MAGI2: variants seen among roughly 807,000 people sequenced by gnomAD.
MAGI2 encodes membrane-associated guanylate kinase, WW and PDZ domain-containing protein 2.
Under a neutral mutation model 133.3 loss-of-function variants are expected in MAGI2, and 35 were observed. The ratio of observed to expected loss-of-function variants is 0.26; its 90% CI spans 0.20 to 0.35. The LOEUF (loss-of-function observed/expected upper bound fraction) is 0.35. Ranked by LOEUF, MAGI2 falls within the 10% of genes least tolerant of loss-of-function variation. The pLI is 1.00. For synonymous variants in MAGI2, 729 were observed against 710.6 expected, an observed-to-expected ratio of 1.03 and a Z score of -0.41; for missense variants, 1,636 against 1,863.4, an observed-to-expected ratio of 0.88 and a Z score of 2.25.
chr7:79,387,262 A>G (rs1053480015), intron 1 of MAGI2, among the ~76,000 whole-genome samples: 1 of 151,978 alleles, frequency 6.6e-6, no homozygotes, highest in Non-Finnish European at 1.5e-5. Context: ...CCATTTGCTT[A>G]CTTTGGAATT....
intron 7 of MAGI2, among the ~76,000 whole-genome samples, chr7:78,362,841 A>G (rs944857663): frequency 6.6e-6 from 1 of 152,190 alleles, no homozygotes; most frequent in Non-Finnish European, 1.5e-5. Context: ...ATAAAAATAT[A>G]GCTACTCTAC....
intron 2 of MAGI2, among the ~76,000 whole-genome samples, chr7:78,676,575 A>T (rs1480851004): frequency 6.6e-6 from 1 of 152,164 alleles, no homozygotes; most frequent in Non-Finnish European, 1.5e-5. Flanking sequence ...AGAAGTGAGA[A>T]TTGAAGGGAA....
At chr7:78,394,097 T>A (rs1796131401) in intron 6 of MAGI2, among the ~76,000 whole-genome samples, 1 of 152,084 alleles carries the variant, frequency 6.6e-6, no homozygotes, top group African/African-American at 2.4e-5. Flanking sequence ...AACCAGGAGT[T>A]CTGATGTCTG....
At chr7:78,821,334 T>A (rs1790091024) in intron 2 of MAGI2, among the ~76,000 whole-genome samples, 1 of 152,020 alleles carries the variant, frequency 6.6e-6, no homozygotes, top group South Asian at 2.1e-4. Flanking sequence ...TTTCAGGGGT[T>A]GTCTATTTCT....
intron 2 of MAGI2, among the ~76,000 whole-genome samples, chr7:78,690,051 A>C (rs1816794713): frequency 6.6e-6 from 1 of 152,212 alleles, no homozygotes; most frequent in Non-Finnish European, 1.5e-5. Flanking sequence ...TTATTAAATA[A>C]GAACTTTTCC....
chr7:79,032,519 G>GAAAAAAAAA (rs34049134), intron 1 of MAGI2, among the ~76,000 whole-genome samples: 1 of 118,214 alleles, frequency 8.5e-6, no homozygotes. Flanking sequence ...CTCTGACTCA[G>GAAAAAAAAA]AAAAAAAAAA....
At chr7:78,297,902 G>A (rs1458167996) in intron 9 of MAGI2, among the ~76,000 whole-genome samples, 6 of 149,456 alleles carry the variant, frequency 4.0e-5, no homozygotes, top group African/African-American at 1.5e-4. Context: ...GAGTTAGTGG[G>A]TGCAGCGCAC....
At chr7:78,541,884 G>A (rs1798439348) in intron 3 of MAGI2, among the ~76,000 whole-genome samples, 2 of 152,192 alleles carry the variant, frequency 1.3e-5, no homozygotes, top group African/African-American at 4.8e-5. Flanking sequence ...TGAGGACAAT[G>A]TAGTTGTTTT....
At chr7:78,276,388 G>A (rs1320343816) in intron 9 of MAGI2, among the ~76,000 whole-genome samples, 1 of 152,014 alleles carries the variant, frequency 6.6e-6, no homozygotes, top group East Asian at 1.9e-4. Context: ...TACTACACAT[G>A]CAATTATCAT....
At chr7:79,330,263 G>A (rs781131443) in intron 1 of MAGI2, among the ~76,000 whole-genome samples, 3 of 132,104 alleles carry the variant, frequency 2.3e-5, no homozygotes, top group Non-Finnish European at 3.1e-5. Context: ...GTGCGATCTC[G>A]GCTCACTGCA....
chr7:78,557,471 C>T (rs917333175), intron 3 of MAGI2, among the ~76,000 whole-genome samples: 2 of 152,162 alleles, frequency 1.3e-5, no homozygotes, highest in Non-Finnish European at 2.9e-5. Context: ...CTATTCCCTT[C>T]CCCATCTTAC....
chr7:78,794,904 A>G (rs1465997686), intron 2 of MAGI2, among the ~76,000 whole-genome samples: 1 of 152,108 alleles, frequency 6.6e-6, no homozygotes, highest in Non-Finnish European at 1.5e-5. Flanking sequence ...TGAAAAAAAA[A>G]TTGATTTTAC....
At chr7:78,490,610 C>T (rs551803505) in intron 5 of MAGI2, among the ~76,000 whole-genome samples, 3 of 152,146 alleles carry the variant, frequency 2.0e-5, no homozygotes, top group Admixed American at 1.3e-4. Context: ...ACCTGGTGGA[C>T]AACACATATT....
Position 78,614,397 on chromosome 7 carries a change from T to C in MAGI2, c.538+12723A>G, listed in dbSNP as rs553388300. The C allele has an allele frequency of 1.6e-4, 25 of 152,232 alleles. 1 individual carries two copies. The South Asian group carries it at 5.0e-3, about 30-fold the overall frequency. The allele number at this position is 152,232 out of a possible 1,614,324, so 9.4% of individuals were successfully genotyped here. A position where few individuals can be genotyped will look rare whatever the true frequency, so the allele number is the denominator to read the frequency against. The stretch of plus-strand genomic sequence containing the variant: ...ATTCACATTTTATTAATACATCAAT[T>C]TTAACAATTTGGTAATGCACCAATA... On this transcript the variant is annotated intron_variant, in intron 3 of 21. Transcript: ENST00000354212.
chr7:78,771,116 TTC>T (rs150535680), intron 2 of MAGI2: 169 of 148,126 alleles, frequency 1.1e-3, no homozygotes, highest in Middle Eastern at 3.4e-3. Flanking sequence ...CATGCAGCAC[TTC>T]TCTCTCTCTC....
intron 6 of MAGI2, among the ~76,000 whole-genome samples, chr7:78,442,691 C>T (rs535373201): frequency 2.0e-5 from 3 of 152,244 alleles, no homozygotes; most frequent in African/African-American, 7.2e-5. Flanking sequence ...CAAGCTCAGA[C>T]AACATATTAT....
chr7:79,303,315 TA>T (rs1837525191), intron 1 of MAGI2, among the ~76,000 whole-genome samples: 1 of 151,920 alleles, frequency 6.6e-6, no homozygotes, highest in Admixed American at 6.6e-5. Context: ...AAAAAAACTT[TA>T]AAAAATACCC....
At chr7:78,900,896 C>T (rs1446241295) in intron 2 of MAGI2, among the ~76,000 whole-genome samples, 1 of 152,072 alleles carries the variant, frequency 6.6e-6, no homozygotes, top group Non-Finnish European at 1.5e-5. Flanking sequence ...AGATGAGTTG[C>T]CTACAAGTCC....
chr7:79,300,175 C>T (rs902243539), intron 1 of MAGI2, among the ~76,000 whole-genome samples: 2 of 151,998 alleles, frequency 1.3e-5, no homozygotes, highest in Non-Finnish European at 2.9e-5. Context: ...TTTGGAACTG[C>T]GTAATGGGCA....
Sources: gnomAD v4.1 joint callset for allele counts (sites outside exome capture counted in the v4.1 genomes callset) on GRCh38, gnomAD v4.1.1 for gene constraint, MANE v1.5 for transcripts, NCBI Gene and HGNC (gene_info 2026-07-23, HGNC 2026-07-21) for gene names.